Variants in EFNA4 observed in about 807,000 individuals in gnomAD.
The protein encoded by EFNA4 is ephrin-A4.
EFNA4 carries 22 observed loss-of-function variants against 23.7 expected under a neutral mutation model. The observed-to-expected ratio is 0.93, with a 90% CI of 0.66 to 1.32. The LOEUF (loss-of-function observed/expected upper bound fraction) is 1.32, where lower values mean the gene tolerates loss of function less well. Ranked by LOEUF, EFNA4 falls within the 40% of genes most tolerant of loss-of-function variation. The probability of loss-of-function intolerance (pLI) is 0.00; values close to 1 mark genes in which losing one functional copy is unlikely to be tolerated. For missense variants in EFNA4, 252 were observed against 252.3 expected (o/e 1.00, Z 0.01); for synonymous variants, 113 against 108.3 (o/e 1.04, Z -0.27).
rs1227854348 is a variant in EFNA4 at position 155,063,933 on chromosome 1, C to T, written c.110C>T (p.Pro37Leu). 3 of 1,555,860 alleles carry T rather than the reference C, an allele frequency of 1.9e-6. No homozygotes were observed. Among genetic ancestry groups the T allele is most frequent in the African/African-American group, 2.8e-5 (2 of 71,586 alleles). ...RHVVYWNSSNPRLLRGDAVVE... is the reference protein window; with the variant it reads ...RHVVYWNSSNLRLLRGDAVVE... ...GTAGTCTACTGGAACTCCAGTAACC[C>T]CAGGTAGCCGGGCCGAACCGGGCGA... The change falls in exon 1 of 4, where the codon CCC becomes CTC. Residue 37 changes from proline to leucine, a missense_variant. Pro to Leu is a moderately conservative substitution (Grantham distance 98). Transcript: ENST00000368409. This position sits in a 1 kb window ranked among gnomAD's most constrained non-coding sequence, Gnocchi z 4.1.
chr1:155,065,835 C>T (rs1663025695), intron 1 of EFNA4, among the ~76,000 whole-genome samples: 1 of 151,716 alleles, frequency 6.6e-6, no homozygotes, highest in Non-Finnish European at 1.5e-5. Context: ...CGGGTTCACG[C>T]CATTCTCCTG....
chr1:155,063,829 G>T lies in EFNA4; in HGVS notation c.6G>T (p.Arg2=). Residue 2 remains arginine (R), a synonymous_variant, in exon 1 of 4, where the codon CGG becomes CGT. Coordinates refer to ENST00000368409, the MANE Select transcript of EFNA4 (RefSeq NM_005227.3). The surrounding 1 kb of genome is among the most constrained non-coding windows in gnomAD (Gnocchi z 4.1). M[R]LLPLLRTVLW... ...CAAACCGGACCTCGGGGGCGATGCG[G>T]CTGCTGCCCCTGCTGCGGACTGTCC... The T allele has an allele frequency of 6.5e-7, 1 of 1,532,350 alleles. No individual in the cohort carries two copies. 94.9% of individuals were successfully genotyped at this position (1,532,350 alleles called of 1,614,324 possible). A position where few individuals can be genotyped will look rare whatever the true frequency, so the allele number is the denominator to read the frequency against.
In EFNA4 at chr1:155,069,093, C is replaced by T. The variant is rs1228015744; in HGVS notation, c.*104C>T. 3.1e-6 allele frequency: 5 copies of T among 1,610,748 alleles called. No homozygotes were observed. The highest frequency in any genetic ancestry group is 3.4e-5 in the Admixed American group (2 of 58,734). ...CTGCACTGGGGGTGCCAATTCAGAC[C>T]GACAAGATGGAGCATTGATGGGGGA... On this transcript the variant is annotated 3_prime_UTR_variant, in exon 4 of 4. Transcript: ENST00000368409.
chr1:155,066,870 C>A lies in EFNA4; in HGVS notation c.254C>A (p.Ser85Tyr), dbSNP rs200677884. ...ATGGTGGACTGGCCAGGCTATGAGTCCTGCCAGGCAGAGGGCCCCCGGGCC... is the reference window on the plus strand; with the variant it reads ...ATGGTGGACTGGCCAGGCTATGAGTACTGCCAGGCAGAGGGCCCCCGGGCC... Reference protein sequence around the residue: ...LYMVDWPGYESCQAEGPRAYK... With the variant: ...LYMVDWPGYEYCQAEGPRAYK... The change falls in exon 2 of 4, where the codon TCC becomes TAC. Residue 85 changes from serine (S) to tyrosine (Y), a missense_variant. Physicochemically the swap from Ser to Tyr is moderately radical, Grantham distance 144. Transcript: ENST00000368409. 3.1e-6 allele frequency: 5 copies of A among 1,614,110 alleles called. No homozygotes were observed. Among genetic ancestry groups the A allele is most frequent in the East Asian group, 2.2e-5 (1 of 44,882 alleles).
rs1292676203 is a variant in EFNA4 at position 155,067,362 on chromosome 1, C to T, written c.401-10C>T. On this transcript the variant is annotated splice_polypyrimidine_tract_variant and intron_variant, in intron 2 of 3. Transcript: ENST00000368409. ...CTGTGCTAACTTTTTCCCACTTTCC[C>T]ACTACCCAGCGGTGCCCACTCCAGA... The T allele has an allele frequency of 1.2e-6, 2 of 1,614,010 alleles. No homozygotes were observed. Among genetic ancestry groups the T allele is most frequent in the Non-Finnish European group, 1.7e-6 (2 of 1,180,010 alleles).
chr1:155,069,013 C>G lies in EFNA4; in HGVS notation c.*24C>G, dbSNP rs201215681. 840 of 1,613,224 alleles carry G rather than the reference C, an allele frequency of 5.2e-4. 1 individual carries two copies. Among genetic ancestry groups the G allele is most frequent in the Non-Finnish European group, 6.2e-4 (731 of 1,179,538 alleles). ...GAGCCAAGCAGACCTTCCCTCTCAT[C>G]CCAAGGAGCCAGAGTCCTCCCAAGA... On this transcript the variant is annotated 3_prime_UTR_variant, in exon 4 of 4. Transcript: ENST00000368409.
At chr1:155,064,176 G>A (rs1166987443) in intron 1 of EFNA4, among the ~76,000 whole-genome samples, 1 of 152,246 alleles carries the variant, frequency 6.6e-6, no homozygotes, top group Non-Finnish European at 1.5e-5. Flanking sequence ...TGTCTAGGGG[G>A]TCTTGGAGCA....
At chr1:155,066,672 C>G in intron 1 of EFNA4, 58 bp from the exon 2 acceptor site, 1 of 1,512,790 alleles carries the variant, frequency 6.6e-7, no homozygotes, top group East Asian at 2.3e-5. Flanking sequence ...TCTCTGGCAT[C>G]CATGGCCATG....
intron 1 of EFNA4, among the ~76,000 whole-genome samples, chr1:155,064,796 A>G (rs921677200): frequency 2.6e-5 from 4 of 152,102 alleles, no homozygotes; most frequent in Non-Finnish European, 4.4e-5. Flanking sequence ...TTAAACACAT[A>G]CTGTGTGTGC....
chr1:155,065,063 T>A (rs1462658981), intron 1 of EFNA4, among the ~76,000 whole-genome samples: 1 of 152,206 alleles, frequency 6.6e-6, no homozygotes, highest in Non-Finnish European at 1.5e-5. Context: ...CACCCCCCAA[T>A]CTTAAGGTTT....
intron 1 of EFNA4, among the ~76,000 whole-genome samples, 191 bp downstream of exon 1, chr1:155,064,127 T>C (rs1662917445): frequency 6.6e-6 from 1 of 151,914 alleles, no homozygotes; most frequent in Non-Finnish European, 1.5e-5. Flanking sequence ...ACAGCCCGCA[T>C]GTGTTGGGGG....
rs1368166854 is a variant in EFNA4 at position 155,068,883 on chromosome 1, C to T, written c.500C>T (p.Pro167Leu). The change falls in exon 4 of 4, where the codon CCT becomes CTT. Residue 167 changes from proline to leucine, a missense_variant. Coordinates refer to ENST00000368409, the MANE Select transcript of EFNA4 (RefSeq NM_005227.3). ...KSESAHPVGSPGESGTSGWRG... is the reference protein window; with the variant it reads ...KSESAHPVGSLGESGTSGWRG... ...GAGTCAGCCCATCCTGTTGGGAGCC[C>T]TGGAGAGAGTGGCACATCAGGGTGG... The T allele has an allele frequency of 5.0e-6, 8 of 1,613,646 alleles. No individual in the cohort carries two copies. The highest frequency in any genetic ancestry group is 6.8e-6 in the Non-Finnish European group (8 of 1,179,878).
chr1:155,067,640 T>C lies in EFNA4; in HGVS notation c.469+200T>C, dbSNP rs562915115. ...CTTCTGTTTTGTTTTGTTTTGGTTT[T>C]AGACGGAGTCTCGCTCTGTTGCCCA... is the stretch of plus-strand genomic sequence containing the variant. On this transcript the variant is annotated intron_variant, in intron 3 of 3. Coordinates refer to ENST00000368409, the MANE Select transcript of EFNA4 (RefSeq NM_005227.3). Among the ~76,000 whole-genome samples, 272 of 152,314 alleles carry C rather than the reference T, an allele frequency of 1.8e-3. 1 individual carries two copies. Among genetic ancestry groups the C allele is most frequent in the African/African-American group, 6.4e-3 (267 of 41,574 alleles).
intron 3 of EFNA4, among the ~76,000 whole-genome samples, chr1:155,068,528 C>T (rs961790728): frequency 6.8e-6 from 1 of 146,170 alleles, no homozygotes; most frequent in East Asian, 2.1e-4. Context: ...GTGATCCACT[C>T]GCCTCAGCCT....
intron 1 of EFNA4, among the ~76,000 whole-genome samples, chr1:155,065,944 G>A (rs1663030314): frequency 6.6e-6 from 1 of 151,172 alleles, no homozygotes; most frequent in Non-Finnish European, 1.5e-5. Flanking sequence ...CACCGTGTTA[G>A]CCAGGATGGT....
intron 1 of EFNA4, among the ~76,000 whole-genome samples, chr1:155,064,303 G>T (rs1350023511): frequency 6.6e-6 from 1 of 152,248 alleles, no homozygotes; most frequent in Non-Finnish European, 1.5e-5. Context: ...AGCGAGGGAG[G>T]GGGCTTTACT....
intron 1 of EFNA4, 49 bp from the exon 2 acceptor site, chr1:155,066,681 T>C (rs2102442919): frequency 6.6e-7 from 1 of 1,518,720 alleles, no homozygotes; most frequent in East Asian, 2.3e-5. Context: ...TCCATGGCCA[T>C]GGCGTGGTGC....
rs1254696715 is a variant in EFNA4 at position 155,063,925 on chromosome 1, C to T, written c.102C>T (p.Ser34=). 1 of 1,563,070 alleles carries T rather than the reference C, an allele frequency of 6.4e-7. No individual in the cohort carries two copies. The highest frequency in any genetic ancestry group is 8.6e-7 in the Non-Finnish European group (1 of 1,156,392). The change falls in exon 1 of 4, where the codon TCC becomes TCT. Residue 34 remains serine (S), a synonymous_variant. Transcript: ENST00000368409. This position sits in a 1 kb window ranked among gnomAD's most constrained non-coding sequence, Gnocchi z 4.1. The part of the protein sequence containing the change: ...SSLRHVVYWN[S]SNPRLLRGDA... ...TCCGCCACGTAGTCTACTGGAACTC[C>T]AGTAACCCCAGGTAGCCGGGCCGAA...
chr1:155,063,785 G>C lies in EFNA4; in HGVS notation c.-39G>C, dbSNP rs1662883179. Reference sequence around the variant, plus strand: ...TCTCTCCTCGACTGTGAAGCGGGCCGGGACCTGCCAGGCCAGACCAAACCG... The same window carrying C: ...TCTCTCCTCGACTGTGAAGCGGGCCCGGACCTGCCAGGCCAGACCAAACCG... On this transcript the variant is annotated 5_prime_UTR_variant, in exon 1 of 4. Coordinates refer to ENST00000368409, the MANE Select transcript of EFNA4 (RefSeq NM_005227.3). The surrounding 1 kb of genome is among the most constrained non-coding windows in gnomAD (Gnocchi z 4.1). The C allele has an allele frequency of 2.0e-6, 3 of 1,474,672 alleles. No homozygotes were observed. The highest frequency in any genetic ancestry group is 4.9e-5 in the Admixed American group (2 of 40,740). The allele number at this position is 1,474,672 out of a possible 1,614,324, so 91.3% of individuals were successfully genotyped here. A position where few individuals can be genotyped will look rare whatever the true frequency, so the allele number is the denominator to read the frequency against.
Sources: gnomAD v4.1 joint callset for allele counts (sites outside exome capture counted in the v4.1 genomes callset) on GRCh38, gnomAD v4.1.1 for gene constraint, Gnocchi (gnomAD v3.1) non-coding constraint, MANE v1.5 for transcripts, NCBI Gene and HGNC (gene_info 2026-07-23, HGNC 2026-07-21) for gene names.